Variants in JUP observed in about 807,000 individuals in gnomAD.
JUP encodes the protein catenin (cadherin-associated protein), gamma 80kDa.
In JUP, 28 loss-of-function variants were observed where a neutral mutation model predicts 71.1. The observed-to-expected ratio is 0.39, with a 90% CI of 0.29 to 0.54. The LOEUF is 0.54. JUP is among the 20% of genes least tolerant of loss of function. The probability of loss-of-function intolerance (pLI) is 0.62; values close to 1 mark genes in which losing one functional copy is unlikely to be tolerated. For missense variants in JUP, 869 were observed against 1,030.1 expected (o/e 0.84, Z 2.14); for synonymous variants, 401 against 438.9 (o/e 0.91, Z 1.08).
chr17:41,782,082 A>G (rs1399504887), intron 1 of JUP, among the ~76,000 whole-genome samples: 11 of 151,998 alleles, frequency 7.2e-5, no homozygotes, highest in Admixed American at 3.9e-4. Context: ...CAGGTTCAGT[A>G]CTCCGGCTGC....
rs782165604 is a variant in JUP at position 41,763,132 on chromosome 17, C to T, written c.1348G>A (p.Asp450Asn). The T allele has an allele frequency of 1.9e-6, 3 of 1,614,086 alleles. No individual in the cohort carries two copies. The highest frequency in any genetic ancestry group is 2.2e-5 in the East Asian group (1 of 44,884). Residue 450 changes from aspartate to asparagine, a missense_variant, in exon 8 of 14, where the codon GAC becomes AAC. Physicochemically the swap from Asp to Asn is conservative, Grantham distance 23. Transcript: ENST00000393931. ...GCGCAGACGGCAGGCTCCGTGATGT[C>T]GTCCTTGTCACCAGCACGCAGGATG... ...HAILRAGDKD[D>N]ITEPAVCALR...
intron 9 of JUP, 25 bp from the exon 10 acceptor site, chr17:41,758,543 T>C (rs782606246): frequency 6.9e-6 from 11 of 1,602,194 alleles, no homozygotes; most frequent in Non-Finnish European, 6.8e-6. Flanking sequence ...GCAGGGGGCA[T>C]GGGACAGGTG....
chr17:41,755,434 T>C lies in JUP; in HGVS notation c.*310A>G. 2.4e-6 allele frequency: 1 copy of C among 418,892 alleles called. No homozygotes were observed. Among genetic ancestry groups the C allele is most frequent in the Non-Finnish European group, 4.2e-6 (1 of 237,768 alleles). 25.9% of individuals were successfully genotyped at this position (418,892 alleles called of 1,614,324 possible). ...AGCCTCTCAGATGAGGAACCGCACC[T>C]GTTAGGGGAGCGGGGACAGACAGGG... is the stretch of plus-strand genomic sequence containing the variant. On this transcript the variant is annotated 3_prime_UTR_variant, in exon 14 of 14. Transcript: ENST00000393931.
At chr17:41,755,990 C>T in intron 13 of JUP, 95 bp from the exon 14 acceptor site, 1 of 1,458,634 alleles carries the variant, frequency 6.9e-7, no homozygotes, top group Non-Finnish European at 9.2e-7. Context: ...TACCCATGCC[C>T]ACCCCTGGTG....
In JUP at chr17:41,772,330, T is replaced by TGGGCAGGAAACTGGGCG. The variant is rs1916804292; in HGVS notation, c.-8-485_-8-469dup. 3 of 278,702 alleles carry TGGGCAGGAAACTGGGCG rather than the reference T, an allele frequency of 1.1e-5. No individual in the cohort carries two copies. The South Asian group carries it at 1.2e-4, about 11-fold the overall frequency. 17.3% of individuals were successfully genotyped at this position (278,702 alleles called of 1,614,324 possible). ...TGCAGGGAGGAGGCACCCAAGCCAT[T>TGGGCAGGAAACTGGGCG]GGGCAGGAAACTGGGCGGGGCAGGG... On this transcript the variant is annotated intron_variant, in intron 1 of 13. Transcript: ENST00000393931.
intron 12 of JUP, 112 bp from the exon 13 acceptor site, chr17:41,756,326 G>T: frequency 9.2e-7 from 1 of 1,086,886 alleles, no homozygotes; most frequent in Non-Finnish European, 1.4e-6. Flanking sequence ...CAGGCTGGGT[G>T]CCATGGCTCA....
chr17:41,758,180 T>G lies in JUP; in HGVS notation c.1773+219A>C, dbSNP rs73301969. On this transcript the variant is annotated intron_variant, in intron 10 of 13. Transcript: ENST00000393931. ...AATCTCAAGTTTTTTTGTTTTTTGT[T>G]TTTTTTTTCCATTTGTGATCTCTTT... is the stretch of plus-strand genomic sequence containing the variant. 1.6e-3 allele frequency: 918 copies of G among 558,422 alleles called. 9 individuals carry two copies. Among genetic ancestry groups the G allele is most frequent in the African/African-American group, 0.016 (838 of 51,510 alleles). 34.6% of individuals were successfully genotyped at this position (558,422 alleles called of 1,614,324 possible). A position where few individuals can be genotyped will look rare whatever the true frequency, so the allele number is the denominator to read the frequency against.
chr17:41,765,652 C>T (rs1252673070), intron 5 of JUP, among the ~76,000 whole-genome samples: 1 of 152,138 alleles, frequency 6.6e-6, no homozygotes, highest in Non-Finnish European at 1.5e-5. Flanking sequence ...CACACCCAGC[C>T]CACCCCAATA....
rs1913422145 is a variant in JUP at position 41,754,837 on chromosome 17, GT to G, written c.*906del. On this transcript the variant is annotated 3_prime_UTR_variant, in exon 14 of 14. Transcript: ENST00000393931. ...GGGGTCAGCTAGGGCAGCTGTGTGG[GT>G]GGGACAGGGGTGTGAGGAAGCTGTC... 1 of 153,762 alleles carries G rather than the reference GT, an allele frequency of 6.5e-6. No individual in the cohort carries two copies. The highest frequency in any genetic ancestry group is 1.5e-5 in the Non-Finnish European group (1 of 68,912). The allele number at this position is 153,762 out of a possible 1,614,324, so 9.5% of individuals were successfully genotyped here.
Position 41,771,654 on chromosome 17 carries a change from G to T in JUP, c.201C>A (p.Pro67=). The part of the protein sequence containing the change: ...KTTTYTQGVP[P]SQGDLEYQMS... Reference sequence around the variant, plus strand: ...GTCCCCAGGGGTCCTGACCTTGGCTGGGGGGCACCCCCTGGGTGTAAGTGG... The same window carrying T: ...GTCCCCAGGGGTCCTGACCTTGGCTTGGGGGCACCCCCTGGGTGTAAGTGG... The change falls in exon 2 of 14, where the codon CCC becomes CCA. Residue 67 remains proline (P), a synonymous_variant. Coordinates refer to ENST00000393931, the MANE Select transcript of JUP (RefSeq NM_002230.4). 2 of 1,612,878 alleles carry T rather than the reference G, an allele frequency of 1.2e-6. No individual in the cohort carries two copies. Among genetic ancestry groups the T allele is most frequent in the South Asian group, 2.2e-5 (2 of 91,052 alleles).
chr17:41,766,700 C>T (rs1021064085), intron 5 of JUP, among the ~76,000 whole-genome samples: 9 of 151,872 alleles, frequency 5.9e-5, no homozygotes, highest in Admixed American at 2.6e-4. Context: ...ACTAAAAATA[C>T]AAAAATTAGC....
Position 41,767,549 on chromosome 17 carries a change from T to C in JUP, c.739A>G (p.Ile247Val), listed in dbSNP as rs782246657. The change falls in exon 5 of 14, where the codon ATC (isoleucine) becomes GTC (valine). Residue 247 changes from isoleucine to valine, a missense_variant. Ile to Val is a conservative substitution (Grantham distance 29). Transcript: ENST00000393931. ...AGGAGCAGGTTGTGCAGCGTGGTGA[T>C]GGCATAGAACAGGACCGACTCCACA... ...SPVESVLFYA[I>V]TTLHNLLLYQ... 2 of 1,434,510 alleles carry C rather than the reference T, an allele frequency of 1.4e-6. No individual in the cohort carries two copies. The highest frequency in any genetic ancestry group is 3.7e-5 in the Admixed American group (2 of 54,456). The allele number at this position is 1,434,510 out of a possible 1,614,324, so 88.9% of individuals were successfully genotyped here. A position where few individuals can be genotyped will look rare whatever the true frequency, so the allele number is the denominator to read the frequency against.
At chr17:41,765,127 C>A in intron 5 of JUP, 60 bp from the exon 6 acceptor site, 2 of 1,532,258 alleles carry the variant, frequency 1.3e-6, no homozygotes, top group Non-Finnish European at 1.8e-6. Flanking sequence ...AACAAGGAAG[C>A]GCGGGACAGG....
intron 1 of JUP, among the ~76,000 whole-genome samples, chr17:41,778,582 T>C (rs1321568679): frequency 2.7e-5 from 4 of 149,656 alleles, no homozygotes; most frequent in African/African-American, 9.9e-5. Context: ...TGTTACTATA[T>C]ACAGGGGATG....
At chr17:41,762,478 AC>A (rs2143548377) in intron 8 of JUP, among the ~76,000 whole-genome samples, 1 of 151,466 alleles carries the variant, frequency 6.6e-6, no homozygotes, top group East Asian at 1.9e-4. Context: ...GTAACCTCCA[AC>A]TCCTGTGCTC....
intron 8 of JUP, among the ~76,000 whole-genome samples, chr17:41,760,097 AG>A (rs1914551025): frequency 6.6e-6 from 1 of 151,470 alleles, no homozygotes; most frequent in Admixed American, 6.6e-5. Flanking sequence ...TGGGAGGCGG[AG>A]GTTGCAGTGA....
At chr17:41,780,310 T>C (rs1412397110) in intron 1 of JUP, among the ~76,000 whole-genome samples, 4 of 149,614 alleles carry the variant, frequency 2.7e-5, no homozygotes, top group Non-Finnish European at 5.9e-5. Context: ...GGCGGGAGGA[T>C]TGCTTGAACC....
At chr17:41,761,676 C>A (rs2143522781) in intron 8 of JUP, among the ~76,000 whole-genome samples, 1 of 151,540 alleles carries the variant, frequency 6.6e-6, no homozygotes, top group Non-Finnish European at 1.5e-5. Context: ...TCGCTTGAAC[C>A]CGGGAGGCGG....
chr17:41,776,086 G>C lies in JUP; in HGVS notation c.-8-4224C>G, dbSNP rs550249420. 9 of 628,924 alleles carry C rather than the reference G, an allele frequency of 1.4e-5. No individual in the cohort carries two copies. The South Asian group carries it at 5.6e-4, about 39-fold the overall frequency. 39.0% of individuals were successfully genotyped at this position (628,924 alleles called of 1,614,324 possible). The stretch of plus-strand genomic sequence containing the variant: ...GCCAAGACACCTGGAAATAAGGACA[G>C]GAGTGGGTTACCCCAGAGGCCGTGC... On this transcript the variant is annotated intron_variant, in intron 1 of 13. Coordinates refer to ENST00000393931, the MANE Select transcript of JUP (RefSeq NM_002230.4).
Sources: allele counts gnomAD v4.1 joint callset (sites outside exome capture counted in the v4.1 genomes callset), GRCh38; gene constraint gnomAD v4.1.1; transcripts MANE v1.5; gene names NCBI Gene and HGNC (gene_info 2026-07-23, HGNC 2026-07-21).